Variants in TRIM66 observed in about 807,000 individuals in gnomAD.
TRIM66 encodes tripartite motif containing 66, also known as tripartite motif-containing protein 66.
TRIM66 carries 99 observed loss-of-function variants against 148.2 expected under a neutral mutation model. The observed-to-expected ratio is 0.67, with a 90% CI of 0.57 to 0.79. TRIM66 has a LOEUF of 0.79. Among genes scored for constraint, TRIM66 ranks in the 30% least tolerant of loss-of-function variants. The pLI, the probability that TRIM66 is intolerant of heterozygous loss-of-function variation, is 0.00. For missense variants in TRIM66, 1,666 were observed against 1,697.9 expected, an observed-to-expected ratio of 0.98 and a Z score of 0.33; for synonymous variants, 616 against 635.9, an observed-to-expected ratio of 0.97 and a Z score of 0.47.
rs943139623 is a variant in TRIM66 at position 8,624,383 on chromosome 11, G to C, written c.2995C>G (p.Leu999Val). 3 of 1,551,284 alleles carry C rather than the reference G, an allele frequency of 1.9e-6. No individual in the cohort carries two copies. Among genetic ancestry groups the C allele is most frequent in the African/African-American group, 2.7e-5 (2 of 73,024 alleles). The change falls in exon 17 of 25, where the codon CTG becomes GTG. Residue 999 changes from leucine (L) to valine (V), a missense_variant. By Grantham distance (32) the Leu-to-Val change is conservative. Transcript: ENST00000646038. ...LAPVVSTSTA[L>V]QQYQNPKECE... The stretch of plus-strand genomic sequence containing the variant: ...CCTTTTGGGTTCTGGTACTGCTGCA[G>C]AGCTGTAGACGTGCTGACCACTGGC...
chr11:8,682,967 G>A (rs977284611), upstream of TRIM66: 103 of 1,102,026 alleles, frequency 9.3e-5, no homozygotes, highest in Non-Finnish European at 1.3e-4. Context: ...CGCGGGCCCG[G>A]GGCGGGGCTC....
At chr11:8,651,551 A>T (rs2037358604) in intron 7 of TRIM66, among the ~76,000 whole-genome samples, 1 of 152,242 alleles carries the variant, frequency 6.6e-6, no homozygotes, top group Admixed American at 6.5e-5. Flanking sequence ...CTTAACTTAC[A>T]TTCACCTTCT....
At position 8,651,829 on chromosome 11, in the gene TRIM66, C is replaced by T. The variant is rs1254603830; in HGVS notation, c.415G>A (p.Val139Ile). 9 of 1,551,742 alleles carry T rather than the reference C, an allele frequency of 5.8e-6. No individual in the cohort carries two copies. The highest frequency in any genetic ancestry group is 4.9e-5 in the East Asian group (2 of 40,924). ...DVTEHFFLHC[V>I]PTEQPKMARN... The stretch of plus-strand genomic sequence containing the variant: ...GCCATCTTGGGTTGCTCAGTAGGAA[C>T]ACAATGCAGAAAAAAATGTTCAGTT... Residue 139 changes from valine to isoleucine, a missense_variant, in exon 7 of 25, where the codon GTT (valine) becomes ATT (isoleucine). Coordinates refer to ENST00000646038, the MANE Select transcript of TRIM66 (RefSeq NM_001388022.1).
chr11:8,675,739 T>G (rs1357296753), intron 3 of TRIM66, among the ~76,000 whole-genome samples: 1 of 151,704 alleles, frequency 6.6e-6, no homozygotes, highest in Non-Finnish European at 1.5e-5. Flanking sequence ...TTAATTATTA[T>G]TTATTTATTT....
chr11:8,628,636 A>AAAAAAAAAAAAAAAAAAAAGAGAGAG lies in TRIM66; in HGVS notation c.2311-3409_2311-3408insCTCTCTCTTTTTTTTTTTTTTTTTTT, dbSNP rs1555042270. ...TCAAAAAAAAAAAAAAAAAAAAAAA[A>AAAAAAAAAAAAAAAAAAAAGAGAGAG]AGAGAGAGAATCCAGATCTTTGGTA... On this transcript the variant is annotated intron_variant, in intron 15 of 24. Transcript: ENST00000646038. Among the ~76,000 whole-genome samples the AAAAAAAAAAAAAAAAAAAAGAGAGAG allele has an allele frequency of 1.2e-3, 112 of 93,296 alleles. 14 individuals carry two copies. Among genetic ancestry groups the AAAAAAAAAAAAAAAAAAAAGAGAGAG allele is most frequent in the Non-Finnish European group, 2.2e-3 (93 of 42,922 alleles). The allele number at this position is 93,296 out of a possible 152,430, so 61.2% of individuals were successfully genotyped here.
At chr11:8,677,961 T>A (rs1324822168) in intron 3 of TRIM66, among the ~76,000 whole-genome samples, 1 of 152,210 alleles carries the variant, frequency 6.6e-6, no homozygotes, top group Non-Finnish European at 1.5e-5. Context: ...ATCCTATGGA[T>A]TTCCCCTAAA....
chr11:8,622,174 AAGTTCTTC>A (rs1426755433), intron 18 of TRIM66, among the ~76,000 whole-genome samples: 1 of 151,010 alleles, frequency 6.6e-6, no homozygotes, highest in East Asian at 1.9e-4. Context: ...ATCGGACTCC[AAGTTCTTC>A]AGTTTTGAGA....
upstream of TRIM66, chr11:8,682,848 T>C (rs753994158): frequency 6.2e-7 from 1 of 1,606,702 alleles, no homozygotes. Flanking sequence ...TCCTCTTCCT[T>C]GCCGGCGGAG....
At chr11:8,624,332 AT>A (rs747728244) in intron 17 of TRIM66, 26 bp downstream of exon 17, 1 of 1,545,706 alleles carries the variant, frequency 6.5e-7, no homozygotes, top group South Asian at 1.2e-5. Flanking sequence ...TGTGGCCAAC[AT>A]GAAGGGCAGG....
Position 8,649,933 on chromosome 11 carries a change from G to A in TRIM66, c.445-46C>T, listed in dbSNP as rs1592137613. The A allele has an allele frequency of 6.5e-6, 10 of 1,532,494 alleles. No individual in the cohort carries two copies. In the East Asian group the frequency reaches 2.5e-4, roughly 38 times the overall value. 94.9% of individuals were successfully genotyped at this position (1,532,494 alleles called of 1,614,324 possible). A position where few individuals can be genotyped will look rare whatever the true frequency, so the allele number is the denominator to read the frequency against. On this transcript the variant is annotated intron_variant, in intron 7 of 24. Coordinates refer to ENST00000646038, the MANE Select transcript of TRIM66 (RefSeq NM_001388022.1). ...AGTTACTGATGTTATCCTCATTTGT[G>A]TCTGCCTCCACAAGTGGTAAATGCT...
chr11:8,670,287 T>C (rs1048206744), intron 6 of TRIM66, among the ~76,000 whole-genome samples: 3 of 152,136 alleles, frequency 2.0e-5, no homozygotes, highest in Admixed American at 6.5e-5. Context: ...GCTGGGATTA[T>C]AGGCGTGAGC....
In TRIM66 at chr11:8,624,852, G is replaced by T; in HGVS notation, c.2687C>A (p.Ala896Glu). The change falls in exon 16 of 25, where the codon GCA becomes GAA. Residue 896 changes from alanine (A) to glutamate (E), a missense_variant. Physicochemically the swap from Ala to Glu is moderately radical, Grantham distance 107. Around this residue, in one of 3 missense-constraint regions of TRIM66, gnomAD observed 1,431 missense variants for 1,412.4 expected, o/e 1.01. Coordinates refer to ENST00000646038, the MANE Select transcript of TRIM66 (RefSeq NM_001388022.1). ...SGHTQAVPSL[A>E]TCPLQSIPPV... ...AGGGATGCTCTGCAGAGGACAAGTT[G>T]CCAGACTCGGCACAGCCTGGGTGTG... 1 of 1,551,726 alleles carries T rather than the reference G, an allele frequency of 6.4e-7. No individual in the cohort carries two copies. Among genetic ancestry groups the T allele is most frequent in the Non-Finnish European group, 8.7e-7 (1 of 1,146,982 alleles).
chr11:8,683,040 T>C (rs2039518183), upstream of TRIM66: 2 of 852,062 alleles, frequency 2.3e-6, no homozygotes, highest in African/African-American at 1.7e-5. Flanking sequence ...TGCGCTACCG[T>C]GGTGAGACCT....
chr11:8,676,906 A>T (rs2039204684), intron 3 of TRIM66, among the ~76,000 whole-genome samples: 1 of 152,224 alleles, frequency 6.6e-6, no homozygotes, highest in Non-Finnish European at 1.5e-5. Flanking sequence ...ATGTCTCCAA[A>T]TCTTAGTTTT....
At chr11:8,666,341 GAAAAAAA>G (rs558326812) in intron 6 of TRIM66, among the ~76,000 whole-genome samples, 17 of 23,540 alleles carry the variant, frequency 7.2e-4, no homozygotes, top group South Asian at 1.7e-3. Context: ...CTCCGCCTCA[GAAAAAAA>G]AAAAAAAAAA....
intron 15 of TRIM66, among the ~76,000 whole-genome samples, chr11:8,631,668 C>T (rs2035410705): frequency 6.6e-6 from 1 of 152,184 alleles, no homozygotes; most frequent in African/African-American, 2.4e-5. Context: ...CCCTTGTTAG[C>T]TGCCCTTATA....
In TRIM66 at chr11:8,645,969, G is replaced by C. The variant is rs890626599; in HGVS notation, c.958-82C>G. The stretch of plus-strand genomic sequence containing the variant: ...GCTTGGGAAGTCTGGTGGCTTGTGT[G>C]TGTCACTGATGGAATCAGATGAGAC... On this transcript the variant is annotated intron_variant, in intron 11 of 24. Transcript: ENST00000646038. 2.0e-5 allele frequency: 28 copies of C among 1,380,906 alleles called. No individual in the cohort carries two copies. The South Asian group carries it at 3.4e-4, about 17-fold the overall frequency. 85.5% of individuals were successfully genotyped at this position (1,380,906 alleles called of 1,614,324 possible). A position where few individuals can be genotyped will look rare whatever the true frequency, so the allele number is the denominator to read the frequency against.
chr11:8,644,842 T>C (rs1020214605), intron 12 of TRIM66, among the ~76,000 whole-genome samples: 7 of 152,238 alleles, frequency 4.6e-5, no homozygotes, highest in African/African-American at 1.7e-4. Flanking sequence ...TTTCAGAAGA[T>C]AGCCTGATTC....
At position 8,641,107 on chromosome 11, in the gene TRIM66, G is replaced by A; in HGVS notation, c.1268C>T (p.Pro423Leu). The A allele has an allele frequency of 6.4e-7, 1 of 1,551,700 alleles. No individual in the cohort carries two copies. The highest frequency in any genetic ancestry group is 8.7e-7 in the Non-Finnish European group (1 of 1,146,982). ...TGACCCCTGTAAGCCTCCATAAGCA[G>A]GAGCATCTGCCCTGGACATTTGTCC... ...EGGQMSRADA[P>L]AYGGLQGSSP... The change falls in exon 14 of 25, where the codon CCT (proline) becomes CTT (leucine). Residue 423 changes from proline to leucine, a missense_variant. Coordinates refer to ENST00000646038, the MANE Select transcript of TRIM66 (RefSeq NM_001388022.1).
Sources: gnomAD v4.1 joint callset for allele counts (sites outside exome capture counted in the v4.1 genomes callset) on GRCh38, gnomAD v4.1.1 for gene constraint, gnomAD v4.1.1 regional missense constraint, MANE v1.5 for transcripts, NCBI Gene and HGNC (gene_info 2026-07-23, HGNC 2026-07-21) for gene names.